The following MYRFL variants were observed in gnomAD, a reference collection of about 807,000 sequenced individuals.
MYRFL encodes the protein myelin regulatory factor-like protein.
A neutral mutation model predicts 109.4 loss-of-function variants in MYRFL; 88 were observed. The ratio of observed to expected loss-of-function variants is 0.80; its 90% CI spans 0.68 to 0.96. The LOEUF (loss-of-function observed/expected upper bound fraction) is 0.96. MYRFL is among the 40% of genes least tolerant of loss of function. The probability of loss-of-function intolerance (pLI) is 0.00; values close to 1 mark genes in which losing one functional copy is unlikely to be tolerated. For synonymous variants in MYRFL, 324 were observed against 320.9 expected (o/e 1.01, Z -0.10); for missense variants, 957 against 954.9 (o/e 1.00, Z -0.03).
In MYRFL at chr12:69,955,310, G is replaced by A. The variant is rs76825263; in HGVS notation, c.2376-53G>A. On this transcript the variant is annotated intron_variant, in intron 21 of 24. Coordinates refer to ENST00000552032, the MANE Select transcript of MYRFL (RefSeq NM_182530.3). ...TATAATGAGTAGCAAAAAGGCCTTC[G>A]AAGACTTTCCTGCATATTTTGATTT... 1.2e-3 allele frequency: 672 copies of A among 577,016 alleles called. 6 individuals are homozygous for A. The highest frequency in any genetic ancestry group is 5.1e-3 in the South Asian group (213 of 42,174). 35.7% of individuals were successfully genotyped at this position (577,016 alleles called of 1,614,324 possible). A position where few individuals can be genotyped will look rare whatever the true frequency, so the allele number is the denominator to read the frequency against.
chr12:69,899,316 A>G (rs1364099127), intron 10 of MYRFL, among the ~76,000 whole-genome samples: 5 of 152,244 alleles, frequency 3.3e-5, no homozygotes, highest in African/African-American at 1.2e-4. Flanking sequence ...ATTGTTTAAG[A>G]AATGGCATTA....
At chr12:69,950,616 G>A (rs1247256820) in intron 19 of MYRFL, among the ~76,000 whole-genome samples, 1 of 152,154 alleles carries the variant, frequency 6.6e-6, no homozygotes, top group Non-Finnish European at 1.5e-5. Context: ...ATACTCACTC[G>A]AGAAGTAGTA....
intron 16 of MYRFL, among the ~76,000 whole-genome samples, chr12:69,934,708 C>T (rs1321666401): frequency 6.6e-6 from 1 of 152,164 alleles, no homozygotes; most frequent in African/African-American, 2.4e-5. Context: ...TTCCTGAAGT[C>T]AGGTTGTCTC....
chr12:69,877,480 A>G (rs555551769), intron 2 of MYRFL, among the ~76,000 whole-genome samples: 1 of 152,102 alleles, frequency 6.6e-6, no homozygotes, highest in South Asian at 2.1e-4. Flanking sequence ...TCCCTCCACC[A>G]TTTCCAGGCA....
intron 9 of MYRFL, among the ~76,000 whole-genome samples, chr12:69,895,779 C>G (rs151127817): frequency 6.6e-6 from 1 of 152,158 alleles, no homozygotes; most frequent in African/African-American, 2.4e-5. Context: ...TCATTGCCAT[C>G]CACAGATTGA....
At chr12:69,902,942 C>T (rs566098964) in intron 10 of MYRFL, among the ~76,000 whole-genome samples, 1 of 152,330 alleles carries the variant, frequency 6.6e-6, no homozygotes, top group South Asian at 2.1e-4. Flanking sequence ...ACTTGTAGTT[C>T]CAGCTCCAGA....
chr12:69,950,650 G>A (rs79829152), intron 19 of MYRFL, among the ~76,000 whole-genome samples: 1 of 152,294 alleles, frequency 6.6e-6, no homozygotes, highest in African/African-American at 2.4e-5. Context: ...AAGATCAACA[G>A]GAAGGCAGAT....
chr12:69,949,005 C>T (rs541993954), intron 19 of MYRFL, among the ~76,000 whole-genome samples: 1 of 152,232 alleles, frequency 6.6e-6, no homozygotes, highest in Non-Finnish European at 1.5e-5. Context: ...TCCTTTCACC[C>T]ATATTCATTG....
chr12:69,844,070 G>T (rs1214389926), intron 1 of MYRFL, among the ~76,000 whole-genome samples: 1 of 152,214 alleles, frequency 6.6e-6, no homozygotes, highest in Non-Finnish European at 1.5e-5. Flanking sequence ...CCATTTGAGA[G>T]TTGTTCTCTG....
chr12:69,924,721 A>G (rs561720583), intron 13 of MYRFL, among the ~76,000 whole-genome samples: 1 of 152,328 alleles, frequency 6.6e-6, no homozygotes, highest in South Asian at 2.1e-4. Flanking sequence ...TTCAGGAAAA[A>G]TATAGGGTTT....
At chr12:69,954,884 T>G (rs1956059897) in intron 21 of MYRFL, among the ~76,000 whole-genome samples, 1 of 152,254 alleles carries the variant, frequency 6.6e-6, no homozygotes, top group African/African-American at 2.4e-5. Context: ...ATTATAACAA[T>G]TTTAGCAGAT....
intron 5 of MYRFL, among the ~76,000 whole-genome samples, chr12:69,880,952 T>G (rs73136825): frequency 0.1 from 336 of 3,334 alleles, 20 homozygotes; most frequent in East Asian, 0.5. Context: ...AGCCTTCCTG[T>G]TTTTTTTTTT....
chr12:69,957,743 C>A, intron 22 of MYRFL, 79 bp from the exon 23 acceptor site: 1 of 1,432,240 alleles, frequency 7.0e-7, no homozygotes, highest in Non-Finnish European at 9.2e-7. Flanking sequence ...CCATTAGATC[C>A]TCCTCTTATC....
intron 1 of MYRFL, among the ~76,000 whole-genome samples, chr12:69,827,250 C>T (rs538041249): frequency 9.2e-5 from 14 of 151,976 alleles, no homozygotes; most frequent in African/African-American, 2.9e-4. Flanking sequence ...GAAACTAAGC[C>T]CTAAATAATA....
At position 69,919,945 on chromosome 12, in the gene MYRFL, C is replaced by T. The variant is rs116751481; in HGVS notation, c.1603-6626C>T. 3.3e-3 allele frequency among the ~76,000 whole-genome samples: 499 copies of T among 152,310 alleles called. 3 individuals are homozygous for T. The highest frequency in any genetic ancestry group is 0.014 in the Middle Eastern group (4 of 294). ...GCCATCAGGCTAAGTTACCCTCGCT[C>T]AGTGTCACTAAATAAAGGATGAATT... On this transcript the variant is annotated intron_variant, in intron 13 of 24. Transcript: ENST00000552032.
Position 69,890,967 on chromosome 12 carries a change from A to G in MYRFL, c.708-4A>G. On this transcript the variant is annotated splice_polypyrimidine_tract_variant and splice_region_variant and intron_variant, in intron 6 of 24. Coordinates refer to ENST00000552032, the MANE Select transcript of MYRFL (RefSeq NM_182530.3). ...AACTGGTTTCTTGGTTTCTCTTTTC[A>G]TAGACCTGATGTGGGCTATCGAGTT... 1.4e-6 allele frequency: 2 copies of G among 1,461,682 alleles called. No homozygotes were observed. Among genetic ancestry groups the G allele is most frequent in the South Asian group, 1.4e-5 (1 of 70,046 alleles). 90.5% of individuals were successfully genotyped at this position (1,461,682 alleles called of 1,614,324 possible).
chr12:69,945,713 C>T lies in MYRFL; in HGVS notation c.2225-6400C>T, dbSNP rs373821289. Among the ~76,000 whole-genome samples, 21 of 152,088 alleles carry T rather than the reference C, an allele frequency of 1.4e-4. No individual in the cohort carries two copies. In the East Asian group the frequency reaches 3.3e-3, roughly 24 times the overall value. On this transcript the variant is annotated intron_variant, in intron 19 of 24. Coordinates refer to ENST00000552032, the MANE Select transcript of MYRFL (RefSeq NM_182530.3). ...CATGTTAAAAAAATTATAGGCTGGG[C>T]GCGGTGGCTCACGCCTGTAATCCCA...
intron 14 of MYRFL, 57 bp downstream of exon 14, chr12:69,926,791 C>T: frequency 7.6e-7 from 1 of 1,310,176 alleles, no homozygotes; most frequent in Non-Finnish European, 9.8e-7. Context: ...TGAGCTCTTT[C>T]CAGAATAAGA....
chr12:69,863,503 G>T (rs544611255), intron 2 of MYRFL, among the ~76,000 whole-genome samples: 30 of 152,290 alleles, frequency 2.0e-4, no homozygotes, highest in Middle Eastern at 3.4e-3. Context: ...CTAACCTCTT[G>T]CAGTCAATTT....
Sources: gnomAD v4.1 joint callset for allele counts (sites outside exome capture counted in the v4.1 genomes callset) on GRCh38, gnomAD v4.1.1 for gene constraint, MANE v1.5 for transcripts, NCBI Gene and HGNC (gene_info 2026-07-23, HGNC 2026-07-21) for gene names.